The following ARID2 variants were observed in gnomAD, a reference collection of about 807,000 sequenced individuals.
ARID2 encodes the protein AT-rich interactive domain-containing protein 2.
A neutral mutation model predicts 184.6 loss-of-function variants in ARID2; 32 were observed. That is an observed-to-expected ratio of 0.17 (90% confidence interval 0.13 to 0.23). ARID2 has a LOEUF of 0.23. Ranked by LOEUF, ARID2 falls within the 10% of genes least tolerant of loss-of-function variation. The probability of loss-of-function intolerance (pLI) is 1.00; values close to 1 mark genes in which losing one functional copy is unlikely to be tolerated. For missense variants in ARID2, 1,696 were observed against 2,197.6 expected, an observed-to-expected ratio of 0.77 and a Z score of 4.56; for synonymous variants, 836 against 772.6, an observed-to-expected ratio of 1.08 and a Z score of -1.36.
rs1941244862 is a variant in ARID2, at chr12:45,741,097, T to C, written c.284+9783T>C. On this transcript the variant is annotated intron_variant, in intron 3 of 20. Transcript: ENST00000334344. The stretch of plus-strand genomic sequence containing the variant: ...TGATGGTTTGGGCTTGAATCAGTTA[T>C]TAATATGATACTTGCATTTATTTGT... Among the ~76,000 whole-genome samples, 4 of 152,240 alleles carry C rather than the reference T, an allele frequency of 2.6e-5. No homozygotes were observed. The South Asian group carries it at 8.3e-4, about 31-fold the overall frequency.
chr12:45,894,055 G>A, intron 20 of ARID2: 1 of 181,238 alleles, frequency 5.5e-6, no homozygotes, highest in Non-Finnish European at 1.1e-5. Context: ...TGAATCACGT[G>A]GAGTCCAAAT....
intron 3 of ARID2, among the ~76,000 whole-genome samples, chr12:45,753,666 G>C (rs141171885): frequency 6.6e-6 from 1 of 152,074 alleles, no homozygotes; most frequent in Non-Finnish European, 1.5e-5. Context: ...GCAATAGTGC[G>C]ATTGCGTCTC....
Position 45,851,583 on chromosome 12 carries a change from C to A in ARID2, c.3460C>A (p.Pro1154Thr), listed in dbSNP as rs746181283. ...TTCGAACTTACAAATATTGCCAGGT[C>A]CACTGATCTCAAATAGCCCAGCAAC... is the stretch of plus-strand genomic sequence containing the variant. The part of the protein sequence containing the change: ...PISNLQILPG[P>T]LISNSPATIF... Residue 1154 changes from proline (P) to threonine (T), a missense_variant, in exon 15 of 21, where the codon CCA becomes ACA. By Grantham distance (38) the Pro-to-Thr change is conservative. Coordinates refer to ENST00000334344, the MANE Select transcript of ARID2 (RefSeq NM_152641.4). 6.2e-7 allele frequency: 1 copy of A among 1,614,134 alleles called. No homozygotes were observed. Among genetic ancestry groups the A allele is most frequent in the Non-Finnish European group, 8.5e-7 (1 of 1,179,998 alleles).
chr12:45,849,727 T>C lies in ARID2; in HGVS notation c.1863T>C (p.Val621=). The change falls in exon 14 of 21, where the codon GTT becomes GTC. Residue 621 remains valine (V), a synonymous_variant. Coordinates refer to ENST00000334344, the MANE Select transcript of ARID2 (RefSeq NM_152641.4). The part of the protein sequence containing the change: ...YYQQQPVSTS[V]VRVDSVPDVS... ...AGCAGCAACCAGTTTCTACTTCTGT[T>C]GTTCGTGTTGATTCTGTTCCTGATG... The C allele has an allele frequency of 6.2e-7, 1 of 1,613,782 alleles. No homozygotes were observed. Among genetic ancestry groups the C allele is most frequent in the South Asian group, 1.1e-5 (1 of 91,032 alleles).
chr12:45,897,249 A>T (rs1241206826), intron 20 of ARID2, among the ~76,000 whole-genome samples: 3 of 152,270 alleles, frequency 2.0e-5, no homozygotes, highest in Non-Finnish European at 1.5e-5. Flanking sequence ...ATGAAGTTGG[A>T]CACTTACCCT....
chr12:45,746,681 A>ATC (rs1941361860), intron 3 of ARID2, among the ~76,000 whole-genome samples: 1 of 152,160 alleles, frequency 6.6e-6, no homozygotes, highest in Non-Finnish European at 1.5e-5. Context: ...TATGACATAG[A>ATC]TACTGTTAAT....
intron 3 of ARID2, among the ~76,000 whole-genome samples, chr12:45,801,236 C>T (rs1047692802): frequency 4.0e-5 from 6 of 151,064 alleles, no homozygotes; most frequent in Non-Finnish European, 5.9e-5. Flanking sequence ...GGCGTGAACC[C>T]GGGAGGTGGA....
At chr12:45,735,597 A>G (rs1189218127) in intron 3 of ARID2, among the ~76,000 whole-genome samples, 2 of 152,132 alleles carry the variant, frequency 1.3e-5, no homozygotes, top group African/African-American at 2.4e-5. Flanking sequence ...CTCGGATACA[A>G]AAGTGAGCCA....
chr12:45,778,468 G>T (rs1174868121), intron 3 of ARID2, among the ~76,000 whole-genome samples: 3 of 152,046 alleles, frequency 2.0e-5, no homozygotes, highest in Non-Finnish European at 4.4e-5. Context: ...TTTGATATTT[G>T]TGTGTATATA....
At chr12:45,899,580 T>A (rs1469327917) in intron 20 of ARID2, among the ~76,000 whole-genome samples, 4 of 149,380 alleles carry the variant, frequency 2.7e-5, no homozygotes, top group Non-Finnish European at 3.0e-5. Context: ...CACTCCAGCC[T>A]GGGCGACAGA....
Position 45,852,554 on chromosome 12 carries a change from T to C in ARID2, c.4431T>C (p.Val1477=), listed in dbSNP as rs1943574089. ...TCTCACCACATTCTACAACCTCTGT[T>C]ATACAGGGACATCAAATCATAGCAG... is the stretch of plus-strand genomic sequence containing the variant. ...VVVSPHSTTS[V]IQGHQIIAVP... The change falls in exon 15 of 21, where the codon GTT becomes GTC. Residue 1477 remains valine (V), a synonymous_variant. Coordinates refer to ENST00000334344, the MANE Select transcript of ARID2 (RefSeq NM_152641.4). 2 of 1,614,106 alleles carry C rather than the reference T, an allele frequency of 1.2e-6. No individual in the cohort carries two copies. Among genetic ancestry groups the C allele is most frequent in the Non-Finnish European group, 1.7e-6 (2 of 1,179,996 alleles).
intron 11 of ARID2, among the ~76,000 whole-genome samples, chr12:45,843,375 C>CTTT (rs78325653): frequency 7.2e-6 from 1 of 139,458 alleles, no homozygotes; most frequent in African/African-American, 2.6e-5. Context: ...ATGTTTTCTT[C>CTTT]TTTTTTTTTT....
chr12:45,846,752 A>G, intron 11 of ARID2, 104 bp from the exon 12 acceptor site: 1 of 953,832 alleles, frequency 1.0e-6, no homozygotes, highest in Non-Finnish European at 1.6e-6. Context: ...CACCTTTTAA[A>G]AAGGTATTCA....
intron 20 of ARID2, chr12:45,904,526 AC>A: frequency 2.3e-6 from 1 of 442,334 alleles, no homozygotes; most frequent in South Asian, 3.1e-5. Context: ...CCCCGTCTCT[AC>A]TAAAAATACA....
At chr12:45,838,249 A>G (rs1392385452) in intron 10 of ARID2, among the ~76,000 whole-genome samples, 1 of 152,248 alleles carries the variant, frequency 6.6e-6, no homozygotes, top group African/African-American at 2.4e-5. Flanking sequence ...AGTCACCTCC[A>G]TAAGAGCTAT....
intron 6 of ARID2, among the ~76,000 whole-genome samples, chr12:45,822,419 C>G (rs891280638): frequency 2.2e-4 from 33 of 152,008 alleles, no homozygotes; most frequent in African/African-American, 7.5e-4. Context: ...GCCTGTAGTC[C>G]CAGCTACTAG....
chr12:45,890,522 A>G (rs896059389), intron 16 of ARID2, among the ~76,000 whole-genome samples: 6 of 152,224 alleles, frequency 3.9e-5, no homozygotes, highest in Admixed American at 6.5e-5. Flanking sequence ...AACTCAAATC[A>G]TATTTCATAT....
chr12:45,830,884 C>T lies in ARID2; in HGVS notation c.706-5705C>T, dbSNP rs1943106696. 2.0e-5 allele frequency among the ~76,000 whole-genome samples: 3 copies of T among 152,046 alleles called. No individual in the cohort carries two copies. In the South Asian group the frequency reaches 6.2e-4, roughly 32 times the overall value. On this transcript the variant is annotated intron_variant, in intron 6 of 20. Coordinates refer to ENST00000334344, the MANE Select transcript of ARID2 (RefSeq NM_152641.4). ...CAGCCTGGCCAACATGGCAAAAGCCCATCTCTACTAAAAATACAAAAAAAT... is the reference window on the plus strand; with the variant it reads ...CAGCCTGGCCAACATGGCAAAAGCCTATCTCTACTAAAAATACAAAAAAAT...
At chr12:45,802,257 A>G (rs1401025000) in intron 3 of ARID2, among the ~76,000 whole-genome samples, 1 of 151,898 alleles carries the variant, frequency 6.6e-6, no homozygotes, top group Non-Finnish European at 1.5e-5. Context: ...GTAGAGTTGG[A>G]GTCTCACTAT....
Sources: allele counts gnomAD v4.1 joint callset (sites outside exome capture counted in the v4.1 genomes callset), GRCh38; gene constraint gnomAD v4.1.1; transcripts MANE v1.5; gene names NCBI Gene and HGNC (gene_info 2026-07-23, HGNC 2026-07-21).